The following CAPZA2 variants were observed in gnomAD, a reference collection of about 807,000 sequenced individuals.
CAPZA2 encodes the protein capping actin protein of muscle Z-line subunit alpha 2, also known as F-actin-capping protein subunit alpha-2.
CAPZA2 carries 13 observed loss-of-function variants against 44.0 expected under a neutral mutation model. The ratio of observed to expected loss-of-function variants is 0.30; its 90% CI spans 0.19 to 0.47. CAPZA2 has a LOEUF of 0.47. Among genes scored for constraint, CAPZA2 ranks in the 20% least tolerant of loss-of-function variants. The pLI is 1.00. For synonymous variants in CAPZA2, 94 were observed against 108.2 expected (o/e 0.87, Z 0.81); for missense variants, 244 against 338.6 (o/e 0.72, Z 2.19).
chr7:116,863,834 A>T (rs1256835728), intron 1 of CAPZA2, among the ~76,000 whole-genome samples: 1 of 152,140 alleles, frequency 6.6e-6, no homozygotes, highest in Non-Finnish European at 1.5e-5. Context: ...GGATATTTTC[A>T]TTTAGGACCC....
At chr7:116,865,319 GGGATAACT>G (rs1188440053) in intron 1 of CAPZA2, among the ~76,000 whole-genome samples, 15 of 151,318 alleles carry the variant, frequency 9.9e-5, no homozygotes, top group African/African-American at 3.4e-4. Flanking sequence ...CCGAGTAGCT[GGGATAACT>G]GGCACATGCC....
intron 6 of CAPZA2, among the ~76,000 whole-genome samples, chr7:116,908,978 C>T (rs913482131): frequency 2.0e-5 from 3 of 152,056 alleles, no homozygotes; most frequent in Admixed American, 6.5e-5. Context: ...TGCTTGGGAC[C>T]AGAAGTCTTT....
chr7:116,866,248 T>G (rs1334693263), intron 1 of CAPZA2, among the ~76,000 whole-genome samples: 1 of 151,596 alleles, frequency 6.6e-6, no homozygotes, highest in African/African-American at 2.4e-5. Context: ...CTCGGCTCAC[T>G]GCAAGCTCCG....
chr7:116,871,806 T>C (rs904401479), intron 1 of CAPZA2, among the ~76,000 whole-genome samples: 1 of 152,238 alleles, frequency 6.6e-6, no homozygotes, highest in African/African-American at 2.4e-5. Flanking sequence ...TTATTTCCTG[T>C]GTTCTTCAGG....
At chr7:116,865,199 T>C (rs1225832498) in intron 1 of CAPZA2, among the ~76,000 whole-genome samples, 2 of 146,524 alleles carry the variant, frequency 1.4e-5, no homozygotes, top group African/African-American at 5.1e-5. Flanking sequence ...TTTTTTTTTT[T>C]TTTTGATACA....
intron 8 of CAPZA2, among the ~76,000 whole-genome samples, 183 bp downstream of exon 8, chr7:116,912,323 A>G (rs1791607321): frequency 6.6e-6 from 1 of 151,984 alleles, no homozygotes; most frequent in Non-Finnish European, 1.5e-5. Context: ...TTTGTATACC[A>G]TTCAGTTCAT....
At chr7:116,879,577 C>T (rs964320837) in intron 1 of CAPZA2, among the ~76,000 whole-genome samples, 10 of 152,094 alleles carry the variant, frequency 6.6e-5, no homozygotes, top group Non-Finnish European at 1.2e-4. Context: ...CTAGATCCCT[C>T]GCATACACAG....
At chr7:116,862,968 C>G (rs913518042) in intron 1 of CAPZA2, among the ~76,000 whole-genome samples, 1 of 152,032 alleles carries the variant, frequency 6.6e-6, no homozygotes, top group Admixed American at 6.5e-5. Flanking sequence ...AGGACCCTCT[C>G]CTGCTGTCGG....
intron 2 of CAPZA2, among the ~76,000 whole-genome samples, chr7:116,890,076 A>C (rs1796811787): frequency 6.6e-6 from 1 of 152,220 alleles, no homozygotes; most frequent in African/African-American, 2.4e-5. Context: ...CCCAATTACA[A>C]TTCACAGAGC....
chr7:116,884,994 T>A (rs925137144), intron 1 of CAPZA2, among the ~76,000 whole-genome samples: 1 of 152,228 alleles, frequency 6.6e-6, no homozygotes, highest in African/African-American at 2.4e-5. Context: ...TACTGACTAA[T>A]GATATTAAGC....
intron 5 of CAPZA2, chr7:116,904,824 A>G (rs1027566416): frequency 4.5e-5 from 7 of 155,154 alleles, no homozygotes; most frequent in Non-Finnish European, 8.5e-5. Context: ...GGTTCAACCT[A>G]TTTTTATATT....
chr7:116,881,462 G>A (rs1210435885), intron 1 of CAPZA2, among the ~76,000 whole-genome samples: 3 of 152,046 alleles, frequency 2.0e-5, no homozygotes, highest in African/African-American at 7.2e-5. Context: ...TTATCAGGCT[G>A]GGCACAGTGG....
At chr7:116,881,375 T>G (rs1300759702) in intron 1 of CAPZA2, among the ~76,000 whole-genome samples, 24 of 151,576 alleles carry the variant, frequency 1.6e-4, no homozygotes, top group Non-Finnish European at 1.3e-4. Flanking sequence ...AACCTCAGAG[T>G]AGAGAAGGAA....
At chr7:116,912,038 A>G in intron 7 of CAPZA2, 31 bp from the exon 8 acceptor site, 1 of 1,609,654 alleles carries the variant, frequency 6.2e-7, no homozygotes, top group Non-Finnish European at 8.5e-7. Flanking sequence ...GATTCCTGTA[A>G]TGTGGTTTCT....
chr7:116,908,314 A>G (rs1460593216), intron 6 of CAPZA2, among the ~76,000 whole-genome samples: 1 of 152,188 alleles, frequency 6.6e-6, no homozygotes, highest in Non-Finnish European at 1.5e-5. Flanking sequence ...TAGGTAGAGT[A>G]AAAATCAGAA....
At chr7:116,868,649 G>A (rs1174383470) in intron 1 of CAPZA2, among the ~76,000 whole-genome samples, 1 of 152,136 alleles carries the variant, frequency 6.6e-6, no homozygotes, top group Admixed American at 6.6e-5. Context: ...CAGGAGAATC[G>A]CTTGGACCCG....
intron 1 of CAPZA2, among the ~76,000 whole-genome samples, chr7:116,885,661 C>G (rs1440500089): frequency 1.3e-5 from 2 of 152,056 alleles, no homozygotes; most frequent in African/African-American, 4.8e-5. Flanking sequence ...TAGAGTGGCC[C>G]ACAGAACTCA....
rs1791456755 is a variant in CAPZA2, at chr7:116,904,315, T to C, written c.358T>C (p.Trp120Arg). 6.2e-7 allele frequency: 1 copy of C among 1,613,796 alleles called. No individual in the cohort carries two copies. Residue 120 changes from tryptophan (W) to arginine (R), a missense_variant, in exon 5 of 10, where the codon TGG becomes CGG. Transcript: ENST00000361183. Reference protein sequence around the residue: ...PCEVENAVESWRTSVETALRA... With the variant: ...PCEVENAVESRRTSVETALRA... ...TGAAGTAGAAAATGCAGTTGAATCATGGAGAACTTCAGTAGAAACTGCTCT... is the reference window on the plus strand; with the variant it reads ...TGAAGTAGAAAATGCAGTTGAATCACGGAGAACTTCAGTAGAAACTGCTCT...
At chr7:116,863,708 G>A (rs1796446823) in intron 1 of CAPZA2, among the ~76,000 whole-genome samples, 1 of 152,176 alleles carries the variant, frequency 6.6e-6, no homozygotes, top group South Asian at 2.1e-4. Context: ...TGCAGGGTTG[G>A]AAATGTCCAC....
Sources: gnomAD v4.1 joint callset for allele counts (sites outside exome capture counted in the v4.1 genomes callset) on GRCh38, gnomAD v4.1.1 for gene constraint, MANE v1.5 for transcripts, NCBI Gene and HGNC (gene_info 2026-07-23, HGNC 2026-07-21) for gene names.